The following EVI5 variants were observed in gnomAD, a reference collection of about 807,000 sequenced individuals.
EVI5 encodes ecotropic viral integration site 5, also known as ecotropic viral integration site 5 protein homolog.
EVI5 carries 73 observed loss-of-function variants against 112.0 expected under a neutral mutation model. The observed-to-expected ratio is 0.65, with a 90% CI of 0.54 to 0.79. The LOEUF (loss-of-function observed/expected upper bound fraction) is 0.79, where lower values mean the gene tolerates loss of function less well. Ranked by LOEUF, EVI5 falls within the 30% of genes least tolerant of loss-of-function variation. EVI5 has a pLI of 0.00. For synonymous variants in EVI5, 305 were observed against 319.9 expected, an observed-to-expected ratio of 0.95 and a Z score of 0.50; for missense variants, 900 against 968.8, an observed-to-expected ratio of 0.93 and a Z score of 0.94.
intron 18 of EVI5, among the ~76,000 whole-genome samples, chr1:92,576,629 T>C (rs927064575): frequency 6.6e-6 from 1 of 152,188 alleles, no homozygotes; most frequent in Non-Finnish European, 1.5e-5. Context: ...TACTAGAATG[T>C]CTGGTACAGA....
chr1:92,765,218 T>TA, intron 1 of EVI5, among the ~76,000 whole-genome samples: 1 of 146,100 alleles, frequency 6.8e-6, no homozygotes, highest in Admixed American at 6.8e-5. Flanking sequence ...TTCCTTCCTT[T>TA]TTTTTTTTTT....
chr1:92,716,966 C>T (rs930498653), intron 2 of EVI5, among the ~76,000 whole-genome samples: 10 of 151,954 alleles, frequency 6.6e-5, no homozygotes, highest in Admixed American at 5.9e-4. Flanking sequence ...TTCAGAAGGT[C>T]AGTAATAACA....
intron 18 of EVI5, chr1:92,580,565 G>A (rs968867103): frequency 3.4e-5 from 6 of 178,690 alleles, no homozygotes; most frequent in African/African-American, 7.2e-5. Flanking sequence ...TATCCAATTC[G>A]TTCATCACCA....
At chr1:92,792,255 T>C in intron 1 of EVI5, 2 of 840,904 alleles carry the variant, frequency 2.4e-6, no homozygotes, top group Non-Finnish European at 4.0e-6. Flanking sequence ...AATATACAAA[T>C]CCTAACTCAA....
At chr1:92,523,058 C>T (rs1168840052) in intron 19 of EVI5, among the ~76,000 whole-genome samples, 1 of 152,086 alleles carries the variant, frequency 6.6e-6, no homozygotes. Flanking sequence ...TGAACTTAGC[C>T]TGTGACTAAC....
chr1:92,781,497 A>G (rs1037565960), intron 1 of EVI5, among the ~76,000 whole-genome samples: 2 of 151,988 alleles, frequency 1.3e-5, no homozygotes, highest in South Asian at 2.1e-4. Flanking sequence ...CCTGTCTGAA[A>G]AAAAAAAAAA....
At chr1:92,621,175 AAAAGAAAC>A (rs986070090) in intron 16 of EVI5, among the ~76,000 whole-genome samples, 15 of 152,236 alleles carry the variant, frequency 9.9e-5, no homozygotes, top group African/African-American at 3.6e-4. Context: ...AAGGTAGAAA[AAAAGAAAC>A]AAAGAAACAA....
At chr1:92,680,130 T>A (rs1667360776) in intron 9 of EVI5, among the ~76,000 whole-genome samples, 1 of 152,206 alleles carries the variant, frequency 6.6e-6, no homozygotes, top group African/African-American at 2.4e-5. Context: ...GATCTTTTTT[T>A]AAAATGTTGA....
chr1:92,606,000 G>A (rs1416197507), intron 17 of EVI5, among the ~76,000 whole-genome samples: 1 of 152,140 alleles, frequency 6.6e-6, no homozygotes, highest in Non-Finnish European at 1.5e-5. Context: ...TGTACTAGGT[G>A]CTAGGGTAAC....
chr1:92,730,544 T>G (rs1676283187), intron 2 of EVI5, among the ~76,000 whole-genome samples: 1 of 150,262 alleles, frequency 6.7e-6, no homozygotes, highest in Non-Finnish European at 1.5e-5. Flanking sequence ...TAACCAAGTG[T>G]AGTGGTGCAT....
At chr1:92,725,945 C>A (rs552277523) in intron 2 of EVI5, among the ~76,000 whole-genome samples, 1 of 152,074 alleles carries the variant, frequency 6.6e-6, no homozygotes, top group Admixed American at 6.6e-5. Context: ...AACTATAACA[C>A]AATGTGAGAG....
chr1:92,780,973 T>C (rs906659628), intron 1 of EVI5, among the ~76,000 whole-genome samples: 7 of 151,496 alleles, frequency 4.6e-5, no homozygotes, highest in Non-Finnish European at 8.8e-5. Context: ...TGCCTCAGCC[T>C]CCTGAGTAGC....
intron 1 of EVI5, among the ~76,000 whole-genome samples, chr1:92,778,511 C>A (rs779373520): frequency 4.6e-5 from 7 of 152,038 alleles, no homozygotes; most frequent in Non-Finnish European, 7.4e-5. Context: ...TTCTTTGGCT[C>A]CTTACCCAAC....
chr1:92,520,325 T>C (rs778109571), intron 19 of EVI5, among the ~76,000 whole-genome samples: 5 of 152,194 alleles, frequency 3.3e-5, no homozygotes, highest in Non-Finnish European at 2.9e-5. Context: ...AAGAGAGGCC[T>C]GAGAAGAGGC....
In EVI5 at chr1:92,605,305, A is replaced by T. The variant is rs1650126801; in HGVS notation, c.2070+2T>A. 2 of 1,588,626 alleles carry T rather than the reference A, an allele frequency of 1.3e-6. No homozygotes were observed. The highest frequency in any genetic ancestry group is 1.1e-5 in the South Asian group (1 of 90,416). On this transcript the variant is annotated splice_donor_variant, in intron 18 of 19. Transcript: ENST00000684568. LOFTEE classifies it high-confidence loss of function. The stretch of plus-strand genomic sequence containing the variant: ...ATGTACTTTATTATTTTCATATGGT[A>T]CCTGGATTTCAAGCTCAGCAATGTG...
intron 1 of EVI5, among the ~76,000 whole-genome samples, chr1:92,775,946 A>C (rs1376249271): frequency 6.6e-6 from 1 of 152,210 alleles, no homozygotes; most frequent in East Asian, 1.9e-4. Context: ...GATTCTACTA[A>C]AAATATCAAA....
At chr1:92,665,326 T>G (rs1664717147) in intron 11 of EVI5, among the ~76,000 whole-genome samples, 1 of 152,232 alleles carries the variant, frequency 6.6e-6, no homozygotes, top group South Asian at 2.1e-4. Context: ...TTATAGCATC[T>G]GTAAATGACT....
intron 19 of EVI5, among the ~76,000 whole-genome samples, chr1:92,560,576 G>C (rs1432020501): frequency 6.6e-6 from 1 of 151,888 alleles, no homozygotes; most frequent in Non-Finnish European, 1.5e-5. Flanking sequence ...TTGAGACAGG[G>C]TCTTGCTTTG....
chr1:92,691,379 G>GA (rs150053056), intron 9 of EVI5, among the ~76,000 whole-genome samples: 1 of 151,726 alleles, frequency 6.6e-6, no homozygotes, highest in Admixed American at 6.6e-5. Flanking sequence ...GAAATACTTT[G>GA]AAAAAAATAA....
Sources: allele counts gnomAD v4.1 joint callset (sites outside exome capture counted in the v4.1 genomes callset), GRCh38; gene constraint gnomAD v4.1.1; transcripts MANE v1.5; gene names NCBI Gene and HGNC (gene_info 2026-07-23, HGNC 2026-07-21).